KLF8: variants seen among roughly 807,000 people sequenced by gnomAD.
KLF8 encodes the protein KLF transcription factor 8.
KLF8 carries 10 observed loss-of-function variants against 18.2 expected under a neutral mutation model. The observed-to-expected ratio is 0.55, with a 90% CI of 0.34 to 0.93. The LOEUF is 0.93. Ranked by LOEUF, KLF8 falls within the 40% of genes least tolerant of loss-of-function variation. KLF8 has a pLI of 0.02. For synonymous variants in KLF8, 109 were observed against 97.3 expected, an observed-to-expected ratio of 1.12 and a Z score of -0.71; for missense variants, 264 against 277.9, an observed-to-expected ratio of 0.95 and a Z score of 0.36.
the KLF8 span, among the ~76,000 whole-genome samples, chrX:56,184,087 G>A: frequency 8.9e-6 from 1 of 112,693 alleles, no homozygotes; most frequent in South Asian, 3.7e-4. Flanking sequence ...CACATGAGAA[G>A]CACAAGGTGT....
At chrX:55,944,891 C>G in the KLF8 span, among the ~76,000 whole-genome samples, 357 of 110,840 alleles carry the variant, frequency 3.2e-3, 1 homozygote, top group African/African-American at 0.011. Context: ...TGTGTTTGCT[C>G]TTGCTTTTCT....
chrX:56,260,781 A>G (rs991109531), intron 2 of KLF8, among the ~76,000 whole-genome samples: 1 of 112,386 alleles, frequency 8.9e-6, no homozygotes, highest in Admixed American at 9.4e-5. Flanking sequence ...CATAAAACTA[A>G]TTGGTTTAAC....
chrX:56,077,623 A>C, the KLF8 span, among the ~76,000 whole-genome samples: 60 of 111,834 alleles, frequency 5.4e-4, no homozygotes, highest in African/African-American at 1.9e-3. Flanking sequence ...TTGCCGATGC[A>C]GGCTCTTTTT....
At chrX:56,110,597 ATT>A in the KLF8 span, among the ~76,000 whole-genome samples, 1 of 111,105 alleles carries the variant, frequency 9.0e-6, no homozygotes, top group Admixed American at 9.6e-5. Context: ...TTCCCTTCTA[ATT>A]TTGTTTCCTG....
At chrX:56,094,883 A>C in the KLF8 span, among the ~76,000 whole-genome samples, 1 of 111,662 alleles carries the variant, frequency 9.0e-6, no homozygotes, top group East Asian at 2.8e-4. Flanking sequence ...AGAACATACC[A>C]TGCTCTTGCA....
chrX:56,068,925 G>A, the KLF8 span, among the ~76,000 whole-genome samples: 1 of 112,389 alleles, frequency 8.9e-6, no homozygotes, highest in Non-Finnish European at 1.9e-5. Flanking sequence ...AAAGTCAGGT[G>A]GAAGTCCCAG....
At chrX:56,182,325 G>A in the KLF8 span, among the ~76,000 whole-genome samples, 1 of 112,178 alleles carries the variant, frequency 8.9e-6, no homozygotes, top group Non-Finnish European at 1.9e-5. Context: ...GTCATTTAAG[G>A]TCTTCTCTAT....
intron 5 of KLF8, among the ~76,000 whole-genome samples, chrX:56,282,283 C>G (rs1314558446): frequency 8.9e-6 from 1 of 112,074 alleles, no homozygotes; most frequent in African/African-American, 3.2e-5. Context: ...AAATGAGATC[C>G]TACTCTCCGT....
the KLF8 span, among the ~76,000 whole-genome samples, chrX:56,029,150 C>G: frequency 9.0e-6 from 1 of 110,928 alleles, no homozygotes; most frequent in African/African-American, 3.3e-5. Flanking sequence ...GGAGGATTGT[C>G]CTCCACCAAT....
chrX:56,068,250 C>T, the KLF8 span, among the ~76,000 whole-genome samples: 1 of 111,480 alleles, frequency 9.0e-6, no homozygotes, highest in African/African-American at 3.3e-5. Flanking sequence ...CTGGAAAATA[C>T]CCGGATGGCA....
chrX:56,019,632 T>C, the KLF8 span, among the ~76,000 whole-genome samples: 1 of 111,752 alleles, frequency 8.9e-6, no homozygotes, highest in African/African-American at 3.2e-5. Flanking sequence ...ATAAAGTTAG[T>C]GATGAGGGTT....
chrX:56,182,731 TC>T, the KLF8 span, among the ~76,000 whole-genome samples: 1 of 112,408 alleles, frequency 8.9e-6, no homozygotes, highest in African/African-American at 3.2e-5. Flanking sequence ...TTGTAGGAGG[TC>T]CCCTCCAGAC....
At position 56,286,075 on chromosome X, in the gene KLF8, C is replaced by G. The variant is rs1365924704; in HGVS notation, c.*1581C>G. 1 of 111,095 alleles carries G rather than the reference C, an allele frequency of 9.0e-6. No individual in the cohort carries two copies. Among genetic ancestry groups the G allele is most frequent in the African/African-American group, 3.3e-5 (1 of 30,530 alleles). 9.2% of individuals were successfully genotyped at this position (111,095 alleles called of 1,213,427 possible). On this transcript the variant is annotated 3_prime_UTR_variant, in exon 6 of 6. Coordinates refer to ENST00000468660, the MANE Select transcript of KLF8 (RefSeq NM_007250.5). Reference sequence around the variant, plus strand: ...TCATATTTTACAGATGAGACAAATACGGGTCAGATTTTTTTCTCCAGATGT... The same window carrying G: ...TCATATTTTACAGATGAGACAAATAGGGGTCAGATTTTTTTCTCCAGATGT...
the KLF8 span, among the ~76,000 whole-genome samples, chrX:56,162,016 G>A: frequency 3.6e-5 from 4 of 111,957 alleles, no homozygotes; most frequent in Non-Finnish European, 7.5e-5. Context: ...CAGGTCTGTT[G>A]GAGTTTGCTT....
At chrX:56,078,895 A>G in the KLF8 span, among the ~76,000 whole-genome samples, 1 of 110,976 alleles carries the variant, frequency 9.0e-6, no homozygotes, top group Non-Finnish European at 1.9e-5. Context: ...CCAGGAATTT[A>G]TCCATTTCTT....
chrX:56,027,454 C>A, the KLF8 span, among the ~76,000 whole-genome samples: 1 of 112,050 alleles, frequency 8.9e-6, no homozygotes, highest in Admixed American at 9.4e-5. Context: ...AGGCCTTTTT[C>A]TTTATATAAT....
chrX:56,095,290 A>G, the KLF8 span, among the ~76,000 whole-genome samples: 16 of 112,336 alleles, frequency 1.4e-4, no homozygotes, highest in African/African-American at 5.1e-4. Flanking sequence ...TGAAACTGGA[A>G]CCCTATTTCT....
At chrX:55,965,088 C>T in the KLF8 span, among the ~76,000 whole-genome samples, 1 of 111,373 alleles carries the variant, frequency 9.0e-6, no homozygotes, top group Admixed American at 9.6e-5. Context: ...AAACCTGGCA[C>T]AGCAACAATG....
At chrX:56,165,818 A>G in the KLF8 span, among the ~76,000 whole-genome samples, 1 of 108,676 alleles carries the variant, frequency 9.2e-6, no homozygotes, top group East Asian at 2.9e-4. Flanking sequence ...CTATGATTGC[A>G]CCACTGAACT....
Sources: gnomAD v4.1 joint callset for allele counts (sites outside exome capture counted in the v4.1 genomes callset) on GRCh38, gnomAD v4.1.1 for gene constraint, MANE v1.5 for transcripts, NCBI Gene and HGNC (gene_info 2026-07-23, HGNC 2026-07-21) for gene names.